Variants in DNAH1 observed in about 807,000 individuals in gnomAD.
DNAH1 encodes the protein dynein axonemal heavy chain 1.
A neutral mutation model predicts 484.3 loss-of-function variants in DNAH1; 327 were observed. The ratio of observed to expected loss-of-function variants is 0.68; its 90% CI spans 0.62 to 0.74. The LOEUF (loss-of-function observed/expected upper bound fraction) is 0.74, where lower values mean the gene tolerates loss of function less well. Among genes scored for constraint, DNAH1 ranks in the 30% least tolerant of loss-of-function variants. The pLI is 0.00. For missense variants in DNAH1, 5,052 were observed against 5,546.8 expected (o/e 0.91, Z 2.83); for synonymous variants, 2,192 against 2,191.9 (o/e 1.00, Z 0.00).
Position 52,359,334 on chromosome 3 carries a change from C to T in DNAH1, c.4355C>T (p.Ala1452Val), listed in dbSNP as rs772269823. 3 of 1,569,810 alleles carry T rather than the reference C, an allele frequency of 1.9e-6. No individual in the cohort carries two copies. The highest frequency in any genetic ancestry group is 2.6e-6 in the Non-Finnish European group (3 of 1,156,676). ...QTYWTMEVAE[A>V]LEAGNLRSQL... ...TACTGGACCATGGAGGTGGCAGAGG[C>T]TCTGGAGGCCGGCAACCTCAGAAGC... The change falls in exon 26 of 78, where the codon GCT becomes GTT. Residue 1452 changes from alanine to valine, a missense_variant. By Grantham distance (64) the Ala-to-Val change is moderately conservative (BLOSUM62 0). Transcript: ENST00000420323.
In DNAH1 at chr3:52,391,175, A is replaced by G; in HGVS notation, c.9742-4A>G. ...CAACCCCTTCTTTTCCCCTTCCCTT[A>G]CAGGAGAAGGACAATGGGCTGGATG... On this transcript the variant is annotated splice_polypyrimidine_tract_variant and splice_region_variant and intron_variant, in intron 61 of 77. Transcript: ENST00000420323. 6.2e-7 allele frequency: 1 copy of G among 1,613,714 alleles called. No homozygotes were observed. Among genetic ancestry groups the G allele is most frequent in the South Asian group, 1.1e-5 (1 of 91,038 alleles).
upstream of DNAH1, among the ~76,000 whole-genome samples, chr3:52,313,670 C>CT (rs1369746860): frequency 2.0e-5 from 3 of 152,308 alleles, no homozygotes; most frequent in East Asian, 5.8e-4. Context: ...TGCCCCACCT[C>CT]TTTGGGAGTG....
In DNAH1 at chr3:52,327,851, T is replaced by C. The variant is rs753242641; in HGVS notation, c.739-31T>C. ...ACCTGGGCCCCACTAGAGGAGCTGC[T>C]TCTTCCCAATGTTGGCCTGCTTTCT... is the stretch of plus-strand genomic sequence containing the variant. On this transcript the variant is annotated intron_variant, in intron 5 of 77. Transcript: ENST00000420323. The C allele has an allele frequency of 5.0e-6, 8 of 1,609,016 alleles. 1 individual carries two copies. The Middle Eastern group carries it at 9.9e-4, about 199-fold the overall frequency.
chr3:52,341,535 T>C (rs959782057), intron 8 of DNAH1, among the ~76,000 whole-genome samples: 2 of 148,776 alleles, frequency 1.3e-5, no homozygotes, highest in Non-Finnish European at 3.0e-5. Context: ...TTTGACTTTT[T>C]TTTTTTTTTT....
Position 52,392,910 on chromosome 3 carries a change from C to T in DNAH1, c.10359C>T (p.Thr3453=). The change falls in exon 65 of 78, where the codon ACC becomes ACT. Residue 3453 remains threonine, a synonymous_variant. Transcript: ENST00000420323. ...RMEYIPVAIR[T]QILFFCVSDL... The stretch of plus-strand genomic sequence containing the variant: ...AGTACATACCCGTGGCCATCCGCAC[C>T]CAGATCCTCTTCTTCTGTGTGTCCG... The T allele has an allele frequency of 1.2e-6, 2 of 1,613,246 alleles. No individual in the cohort carries two copies. The highest frequency in any genetic ancestry group is 1.7e-6 in the Non-Finnish European group (2 of 1,179,750).
At chr3:52,370,890 A>G in intron 41 of DNAH1, 65 bp downstream of exon 41, 2 of 1,487,488 alleles carry the variant, frequency 1.3e-6, no homozygotes, top group Admixed American at 2.0e-5. Flanking sequence ...TGTTCCCGCA[A>G]TGAATTATGG....
chr3:52,317,858 C>T (rs1031562914), intron 1 of DNAH1: 19 of 152,258 alleles, frequency 1.2e-4, no homozygotes, highest in African/African-American at 4.3e-4. Context: ...TAGCGTCCCT[C>T]CCTAGAGACG....
chr3:52,331,347 C>G, intron 7 of DNAH1, 38 bp downstream of exon 7: 1 of 1,577,256 alleles, frequency 6.3e-7, no homozygotes, highest in South Asian at 1.2e-5. Context: ...AGAACCCCAG[C>G]TTGGGCCTGG....
chr3:52,365,820 T>A (rs1452626237), intron 34 of DNAH1, among the ~76,000 whole-genome samples: 1 of 152,142 alleles, frequency 6.6e-6, no homozygotes, highest in Non-Finnish European at 1.5e-5. Context: ...TGCTTCCTCC[T>A]CTGGTCACCT....
intron 16 of DNAH1, among the ~76,000 whole-genome samples, 187 bp from the exon 17 acceptor site, chr3:52,351,775 C>T (rs901266430): frequency 3.9e-5 from 6 of 152,192 alleles, no homozygotes; most frequent in Admixed American, 2.0e-4. Flanking sequence ...TGGTGGCAGT[C>T]GCGCCTCCCA....
At chr3:52,318,902 T>C (rs1165964465) in intron 1 of DNAH1, among the ~76,000 whole-genome samples, 4 of 152,140 alleles carry the variant, frequency 2.6e-5, no homozygotes, top group Non-Finnish European at 4.4e-5. Context: ...GGGTGTGAAA[T>C]GGATAAAGGT....
At position 52,373,497 on chromosome 3, in the gene DNAH1, G is replaced by A. The variant is rs111311026; in HGVS notation, c.6985+444G>A. 3.5e-3 allele frequency among the ~76,000 whole-genome samples: 531 copies of A among 152,382 alleles called. 2 individuals are homozygous for A. Among genetic ancestry groups the A allele is most frequent in the African/African-American group, 0.012 (505 of 41,584 alleles). On this transcript the variant is annotated intron_variant, in intron 44 of 77. Coordinates refer to ENST00000420323, the MANE Select transcript of DNAH1 (RefSeq NM_015512.5). ...CACAGTAGAATCAGAGCAAATTTCC[G>A]TCAGGAAAAACAGCCTTGTTGCTGT... is the stretch of plus-strand genomic sequence containing the variant.
chr3:52,390,052 C>T (rs149496020), intron 60 of DNAH1, among the ~76,000 whole-genome samples: 4,315 of 151,856 alleles, frequency 0.028, 236 homozygotes, highest in African/African-American at 0.1. Context: ...ACCCAGGAGG[C>T]GGGGGTTGCA....
At chr3:52,319,529 G>C (rs1395146827) in intron 1 of DNAH1, among the ~76,000 whole-genome samples, 2 of 152,194 alleles carry the variant, frequency 1.3e-5, no homozygotes, top group Non-Finnish European at 2.9e-5. Flanking sequence ...TCCCAACACT[G>C]TGCCCACCAG....
chr3:52,392,418 G>A (rs750932593), intron 63 of DNAH1, 46 bp from the exon 64 acceptor site: 36 of 1,581,602 alleles, frequency 2.3e-5, no homozygotes, highest in Admixed American at 1.2e-4. Context: ...CTAGCCCTCC[G>A]GGGCCCACCA....
At chr3:52,349,160 T>A in intron 13 of DNAH1, 35 bp from the exon 14 acceptor site, 1 of 1,611,998 alleles carries the variant, frequency 6.2e-7, no homozygotes, top group Non-Finnish European at 8.5e-7. Flanking sequence ...CTGCTCACCA[T>A]CCTCTGCCCC....
At position 52,375,289 on chromosome 3, in the gene DNAH1, C is replaced by T. The variant is rs372758533; in HGVS notation, c.7035C>T (p.Pro2345=). Residue 2345 remains proline (P), a synonymous_variant, in exon 45 of 78, where the codon CCC becomes CCT. Transcript: ENST00000420323. ...VDINFVCAMG[P]PGGGRNTVTP... The stretch of plus-strand genomic sequence containing the variant: ...TCAACTTTGTCTGTGCCATGGGCCC[C>T]CCGGGTGGAGGCAGGAACACCGTCA... 6.2e-7 allele frequency: 1 copy of T among 1,611,930 alleles called. No homozygotes were observed. Among genetic ancestry groups the T allele is most frequent in the Non-Finnish European group, 8.5e-7 (1 of 1,179,094 alleles).
Position 52,383,909 on chromosome 3 carries a change from G to C in DNAH1, c.8200G>C (p.Val2734Leu). Residue 2734 changes from valine to leucine, a missense_variant, in exon 52 of 78, where the codon GTC becomes CTC. Val to Leu is a conservative substitution (Grantham distance 32). This residue lies in a region of DNAH1 where 2,929 missense variants were observed against 3,409.4 expected (regional missense o/e 0.86). Transcript: ENST00000420323. ...TCGTCTGAGGCAGTTTCCCTCCCTG[G>C]TCAACTGCTGTACCATCGACTGGTT... ...RARLRQFPSL[V>L]NCCTIDWFNE... is the part of the protein sequence containing the mutation. The C allele has an allele frequency of 6.2e-7, 1 of 1,611,722 alleles. No individual in the cohort carries two copies. Among genetic ancestry groups the C allele is most frequent in the Non-Finnish European group, 8.5e-7 (1 of 1,178,390 alleles).
intron 61 of DNAH1, 37 bp downstream of exon 61, chr3:52,391,091 G>A (rs1231215958): frequency 1.3e-6 from 2 of 1,591,510 alleles, no homozygotes; most frequent in South Asian, 2.3e-5. Flanking sequence ...CCCCACCCCA[G>A]CCAGGCATAG....
Sources: gnomAD v4.1 joint callset for allele counts (sites outside exome capture counted in the v4.1 genomes callset) on GRCh38, gnomAD v4.1.1 for gene constraint, gnomAD v4.1.1 regional missense constraint, MANE v1.5 for transcripts, NCBI Gene and HGNC (gene_info 2026-07-23, HGNC 2026-07-21) for gene names.